The following ILKAP variants were observed in gnomAD, a reference collection of about 807,000 sequenced individuals.
The protein encoded by ILKAP is integrin-linked kinase-associated serine/threonine phosphatase 2C.
ILKAP carries 11 observed loss-of-function variants against 49.1 expected under a neutral mutation model. The ratio of observed to expected loss-of-function variants is 0.22; its 90% CI spans 0.14 to 0.37. The LOEUF is 0.37. ILKAP is among the 10% of genes least tolerant of loss of function. The probability of loss-of-function intolerance (pLI) is 1.00; values close to 1 mark genes in which losing one functional copy is unlikely to be tolerated. For missense variants in ILKAP, 363 were observed against 510.8 expected (o/e 0.71, Z 2.79); for synonymous variants, 186 against 192.8 (o/e 0.96, Z 0.29).
At chr2:238,170,860 G>A (rs755111613) in intron 11 of ILKAP, 83 bp downstream of exon 11, 1 of 1,453,120 alleles carries the variant, frequency 6.9e-7, no homozygotes, top group Admixed American at 1.7e-5. Flanking sequence ...CACAATGGGA[G>A]GAAATGGGGT....
At chr2:238,179,984 CACAG>C (rs1693620506) in intron 9 of ILKAP, among the ~76,000 whole-genome samples, 1 of 151,928 alleles carries the variant, frequency 6.6e-6, no homozygotes, top group South Asian at 2.1e-4. Flanking sequence ...GCCTGGAAAA[CACAG>C]ACAGAGACCC....
At chr2:238,184,842 C>T (rs563846424) in intron 6 of ILKAP, among the ~76,000 whole-genome samples, 10 of 152,052 alleles carry the variant, frequency 6.6e-5, no homozygotes, top group Admixed American at 3.9e-4. Context: ...TGTGAGCCAC[C>T]GTGCCCAGCC....
intron 8 of ILKAP, 61 bp downstream of exon 8, chr2:238,183,592 C>A: frequency 8.5e-7 from 1 of 1,183,156 alleles, no homozygotes; most frequent in Non-Finnish European, 1.3e-6. Flanking sequence ...CAAGTACGTG[C>A]TAAAGTCTTT....
intron 1 of ILKAP, among the ~76,000 whole-genome samples, chr2:238,196,072 T>G (rs13005886): frequency 0.23 from 27,919 of 123,004 alleles, 4,243 homozygotes; most frequent in Non-Finnish European, 0.31. Flanking sequence ...AGTACTCACT[T>G]AAAAACCAAT....
intron 8 of ILKAP, 28 bp downstream of exon 8, chr2:238,183,625 C>T: frequency 6.6e-7 from 1 of 1,504,700 alleles, no homozygotes; most frequent in South Asian, 1.1e-5. Context: ...GTATTGTCAT[C>T]TAAGTGGGTG....
At chr2:238,183,547 T>A (rs879244105) in intron 8 of ILKAP, 106 bp downstream of exon 8, 26 of 813,232 alleles carry the variant, frequency 3.2e-5, no homozygotes, top group Admixed American at 1.9e-4. Flanking sequence ...AGAAGAAAGG[T>A]TTCAACCAGA....
intron 10 of ILKAP, among the ~76,000 whole-genome samples, chr2:238,173,298 C>T (rs1172329545): frequency 6.6e-6 from 1 of 152,150 alleles, no homozygotes; most frequent in Non-Finnish European, 1.5e-5. Flanking sequence ...TGCCAAAGAC[C>T]CCAGCACACA....
chr2:238,202,208 G>A (rs904598647), intron 1 of ILKAP, among the ~76,000 whole-genome samples: 4 of 152,188 alleles, frequency 2.6e-5, no homozygotes, highest in Admixed American at 2.0e-4. Flanking sequence ...ACAAGAGTGA[G>A]ACTCCGTCTC....
intron 1 of ILKAP, among the ~76,000 whole-genome samples, chr2:238,198,382 G>A (rs1448605247): frequency 2.0e-5 from 3 of 151,976 alleles, no homozygotes; most frequent in African/African-American, 7.3e-5. Flanking sequence ...GAAACTACAG[G>A]CATACACCAC....
chr2:238,181,539 G>A (rs1302602599), intron 9 of ILKAP, among the ~76,000 whole-genome samples: 2 of 151,824 alleles, frequency 1.3e-5, no homozygotes, highest in Non-Finnish European at 2.9e-5. Context: ...TACTTAACCC[G>A]TCTTAACTAC....
intron 3 of ILKAP, among the ~76,000 whole-genome samples, chr2:238,190,227 T>A (rs1694066287): frequency 6.6e-6 from 1 of 152,144 alleles, no homozygotes; most frequent in Admixed American, 6.5e-5. Context: ...AAAAGACTTT[T>A]CCCAGTGGTA....
intron 9 of ILKAP, 51 bp downstream of exon 9, chr2:238,182,014 C>T: frequency 6.2e-7 from 1 of 1,605,886 alleles, no homozygotes; most frequent in Non-Finnish European, 8.5e-7. Flanking sequence ...CGGGACCCTT[C>T]TACAGCTAAC....
chr2:238,173,693 G>C (rs368199542), intron 9 of ILKAP, 40 bp from the exon 10 acceptor site: 1 of 1,603,490 alleles, frequency 6.2e-7, no homozygotes, highest in Non-Finnish European at 8.5e-7. Flanking sequence ...CTACCTGACA[G>C]ATTATGGGTC....
At chr2:238,176,630 T>TA (rs1693471038) in intron 9 of ILKAP, among the ~76,000 whole-genome samples, 1 of 151,320 alleles carries the variant, frequency 6.6e-6, no homozygotes, top group Non-Finnish European at 1.5e-5. Context: ...CTTCAGATCT[T>TA]AGCTAGTTTT....
Position 238,170,570 on chromosome 2 carries a change from T to C in ILKAP, c.1145A>G (p.Asn382Ser), listed in dbSNP as rs957419776. The part of the protein sequence containing the change: ...NKAVQRGSAD[N>S]VTVMVVRIGH ...TATCCGCACCACCATCACAGTGACG[T>C]TGTCGGCCGAGCCCCGCTGCACCGC... The change falls in exon 12 of 12, where the codon AAC becomes AGC. Residue 382 changes from asparagine (N) to serine (S), a missense_variant. Around this residue, in one of 3 missense-constraint regions of ILKAP, gnomAD observed 83 missense variants for 87.5 expected, o/e 0.95. Coordinates refer to ENST00000254654, the MANE Select transcript of ILKAP (RefSeq NM_030768.3). 1.2e-6 allele frequency: 2 copies of C among 1,607,288 alleles called. No individual in the cohort carries two copies. The highest frequency in any genetic ancestry group is 1.7e-6 in the Non-Finnish European group (2 of 1,174,766).
Position 238,196,063 on chromosome 2 carries a change from G to A in ILKAP, c.56-1193C>T, listed in dbSNP as rs904918495. 2.9e-4 allele frequency among the ~76,000 whole-genome samples: 21 copies of A among 72,034 alleles called. 1 individual carries two copies. Among genetic ancestry groups the A allele is most frequent in the East Asian group, 9.7e-4 (2 of 2,068 alleles). 47.3% of individuals were successfully genotyped at this position (72,034 alleles called of 152,430 possible). ...TGTCACAAAAAAAAAAAAAAAAAAA[G>A]TACTCACTTAAAAACCAATTCACTT... On this transcript the variant is annotated intron_variant, in intron 1 of 11. Transcript: ENST00000254654.
At chr2:238,188,366 C>CGAGA in intron 4 of ILKAP, 109 bp from the exon 5 acceptor site, 1 of 1,317,146 alleles carries the variant, frequency 7.6e-7, no homozygotes, top group Non-Finnish European at 1.0e-6. Flanking sequence ...TCAGCAATAT[C>CGAGA]CTAATGGCGC....
chr2:238,198,031 G>C (rs1473102221), intron 1 of ILKAP, among the ~76,000 whole-genome samples: 3 of 151,984 alleles, frequency 2.0e-5, no homozygotes, highest in Admixed American at 6.6e-5. Context: ...CCATACATGG[G>C]CACCCTTCCA....
At chr2:238,181,538 C>T (rs1046633922) in intron 9 of ILKAP, among the ~76,000 whole-genome samples, 7 of 152,234 alleles carry the variant, frequency 4.6e-5, no homozygotes, top group South Asian at 2.1e-4. Context: ...TTACTTAACC[C>T]GTCTTAACTA....
Sources: allele counts gnomAD v4.1 joint callset (sites outside exome capture counted in the v4.1 genomes callset), GRCh38; gene constraint gnomAD v4.1.1; regional missense constraint gnomAD v4.1.1; transcripts MANE v1.5; gene names NCBI Gene and HGNC (gene_info 2026-07-23, HGNC 2026-07-21).